The following ADARB2 variants were observed in gnomAD, a reference collection of about 807,000 sequenced individuals.
The protein encoded by ADARB2 is inactive double-stranded RNA-specific editase B2.
ADARB2 carries 25 observed loss-of-function variants against 62.2 expected under a neutral mutation model. That is an observed-to-expected ratio of 0.40 (90% CI 0.29 to 0.56). The LOEUF (loss-of-function observed/expected upper bound fraction) is 0.56. ADARB2 is among the 20% of genes least tolerant of loss of function. The probability of loss-of-function intolerance (pLI) is 0.43; values close to 1 mark genes in which losing one functional copy is unlikely to be tolerated. For missense variants in ADARB2, 1,071 were observed against 1,077.4 expected (o/e 0.99, Z 0.08); for synonymous variants, 572 against 500.8 (o/e 1.14, Z -1.90).
chr10:1,287,454 C>A (rs1831424462), intron 3 of ADARB2, among the ~76,000 whole-genome samples: 1 of 152,156 alleles, frequency 6.6e-6, no homozygotes, highest in African/African-American at 2.4e-5. Flanking sequence ...CTATGATCAC[C>A]ATGCTGTGTG....
chr10:1,416,536 G>A (rs1048950048), intron 1 of ADARB2, among the ~76,000 whole-genome samples: 6 of 152,234 alleles, frequency 3.9e-5, no homozygotes, highest in African/African-American at 1.4e-4. Flanking sequence ...CAGCCTCCCT[G>A]TGGATGGGCC....
At chr10:1,431,471 T>C (rs887054541) in intron 1 of ADARB2, among the ~76,000 whole-genome samples, 1 of 152,158 alleles carries the variant, frequency 6.6e-6, no homozygotes, top group Non-Finnish European at 1.5e-5. Context: ...TTAGCACTTA[T>C]ACATATTTAT....
intron 1 of ADARB2, among the ~76,000 whole-genome samples, chr10:1,485,570 C>CA (rs1361370536): frequency 6.6e-6 from 1 of 152,206 alleles, no homozygotes; most frequent in Non-Finnish European, 1.5e-5. Context: ...AAGAGTCCAC[C>CA]AAGCGTCCCA....
chr10:1,287,469 A>G (rs372322402), intron 3 of ADARB2, among the ~76,000 whole-genome samples: 2 of 152,144 alleles, frequency 1.3e-5, no homozygotes, highest in African/African-American at 4.8e-5. Context: ...TGTGTGACAG[A>G]TCCCCAGAAC....
chr10:1,188,315 C>T (rs1836791439), intron 8 of ADARB2: 1 of 152,256 alleles, frequency 6.6e-6, no homozygotes, highest in African/African-American at 2.4e-5. Context: ...CCAAGTCACA[C>T]AGATCAAAAA....
chr10:1,626,485 C>T (rs1833771080), intron 1 of ADARB2, among the ~76,000 whole-genome samples: 1 of 152,244 alleles, frequency 6.6e-6, no homozygotes, highest in African/African-American at 2.4e-5. Flanking sequence ...GGGGCTTCCT[C>T]TGCTCAGCAG....
rs529640541 is a variant in ADARB2 at position 1,329,749 on chromosome 10, C to T, written c.1077+33279G>A. ...AGGCACTGGTCCCTGATTCTGGAGCCGCGAACCACCTGGGGGCTTGGTTTG... is the reference window on the plus strand; with the variant it reads ...AGGCACTGGTCCCTGATTCTGGAGCTGCGAACCACCTGGGGGCTTGGTTTG... On this transcript the variant is annotated intron_variant, in intron 3 of 9. Coordinates refer to ENST00000381312, the MANE Select transcript of ADARB2 (RefSeq NM_018702.4). Among the ~76,000 whole-genome samples the T allele has an allele frequency of 2.3e-4, 35 of 152,018 alleles. 1 individual carries two copies. The highest frequency in any genetic ancestry group is 4.4e-5 in the Non-Finnish European group (3 of 68,012).
chr10:1,675,613 G>T (rs555982615), intron 1 of ADARB2, among the ~76,000 whole-genome samples: 13 of 147,232 alleles, frequency 8.8e-5, no homozygotes, highest in South Asian at 6.7e-4. Flanking sequence ...GGGTTGGGGG[G>T]TACATGGATG....
intron 1 of ADARB2, among the ~76,000 whole-genome samples, chr10:1,643,786 C>T (rs1173794082): frequency 6.6e-6 from 1 of 152,142 alleles, no homozygotes; most frequent in Admixed American, 6.5e-5. Flanking sequence ...GGCTAATTTG[C>T]TGTCTCTGCA....
chr10:1,310,671 G>A (rs1470388056), intron 3 of ADARB2, among the ~76,000 whole-genome samples: 4 of 152,184 alleles, frequency 2.6e-5, no homozygotes, highest in Non-Finnish European at 4.4e-5. Context: ...AGGTCCTCAC[G>A]GTACCTCTGG....
Position 1,498,285 on chromosome 10 carries a change from G to C in ADARB2, c.101-119125C>G, listed in dbSNP as rs146301101. On this transcript the variant is annotated intron_variant, in intron 1 of 9. Transcript: ENST00000381312. Reference sequence around the variant, plus strand: ...GCTACTTTGGGAGGCTGAGGCTGGAGAATCACTTGAACCCAGGAGGCAGAG... The same window carrying C: ...GCTACTTTGGGAGGCTGAGGCTGGACAATCACTTGAACCCAGGAGGCAGAG... Among the ~76,000 whole-genome samples the C allele has an allele frequency of 7.2e-3, 1,098 of 152,128 alleles. 16 individuals carry two copies. The highest frequency in any genetic ancestry group is 0.025 in the African/African-American group (1,051 of 41,494).
chr10:1,695,721 TG>T (rs1225271850), intron 1 of ADARB2, among the ~76,000 whole-genome samples: 1 of 152,120 alleles, frequency 6.6e-6, no homozygotes. Flanking sequence ...CATACATGTA[TG>T]TGAGACCATG....
Position 1,477,385 on chromosome 10 carries a change from T to G in ADARB2, c.101-98225A>C, listed in dbSNP as rs780079688. 5.5e-4 allele frequency among the ~76,000 whole-genome samples: 84 copies of G among 152,200 alleles called. No individual in the cohort carries two copies. Among genetic ancestry groups the G allele is most frequent in the Admixed American group, 9.2e-4 (14 of 15,278 alleles). ...AAGTAGCCCCAGCAGCATGACCTTA[T>G]CTGCCCATGGCCCCCTCCAGCATGA... On this transcript the variant is annotated intron_variant, in intron 1 of 9. Coordinates refer to ENST00000381312, the MANE Select transcript of ADARB2 (RefSeq NM_018702.4). This position sits in a 1 kb window ranked among gnomAD's most constrained non-coding sequence, Gnocchi z 4.5.
intron 7 of ADARB2, among the ~76,000 whole-genome samples, chr10:1,200,874 G>T (rs971030014): frequency 1.3e-5 from 2 of 152,046 alleles, no homozygotes; most frequent in East Asian, 3.8e-4. Context: ...CAAGCGTTAC[G>T]TAGCTAATTT....
In ADARB2 at chr10:1,545,069, A is replaced by T. The variant is rs77473342; in HGVS notation, c.101-165909T>A. On this transcript the variant is annotated intron_variant, in intron 1 of 9. Coordinates refer to ENST00000381312, the MANE Select transcript of ADARB2 (RefSeq NM_018702.4). ...TGACTTTTGCTGAGCACCCAGTAAC[A>T]GGAGTTGAAATACCAGCTCCATCTC... Among the ~76,000 whole-genome samples the T allele has an allele frequency of 6.4e-3, 969 of 152,124 alleles. 13 individuals carry two copies. The highest frequency in any genetic ancestry group is 0.022 in the African/African-American group (930 of 41,508).
intron 3 of ADARB2, among the ~76,000 whole-genome samples, chr10:1,301,531 A>G (rs10903420): frequency 0.47 from 70,674 of 151,902 alleles, 17,950 homozygotes; most frequent in East Asian, 0.8. Context: ...CTTAAACAGA[A>G]AACTTTCTTT....
intron 1 of ADARB2, among the ~76,000 whole-genome samples, chr10:1,668,743 T>C (rs1239487311): frequency 6.6e-6 from 1 of 152,176 alleles, no homozygotes; most frequent in Admixed American, 6.5e-5. Context: ...CAAGGAAAGA[T>C]TGATTTATGT....
rs180845871 is a variant in ADARB2 at position 1,348,764 on chromosome 10, C to T, written c.1077+14264G>A. ...CACCCTGAGACTGTGTGAGGATGGC[C>T]GGGCTGCTGCTGAGGCCAACGCTGG... is the stretch of plus-strand genomic sequence containing the variant. On this transcript the variant is annotated intron_variant, in intron 3 of 9. Coordinates refer to ENST00000381312, the MANE Select transcript of ADARB2 (RefSeq NM_018702.4). Among the ~76,000 whole-genome samples the T allele has an allele frequency of 1.8e-4, 28 of 152,322 alleles. No homozygotes were observed. In the East Asian group the frequency reaches 5.0e-3, roughly 27 times the overall value.
At chr10:1,722,857 C>G (rs998501833) in intron 1 of ADARB2, among the ~76,000 whole-genome samples, 4 of 152,174 alleles carry the variant, frequency 2.6e-5, no homozygotes, top group Non-Finnish European at 4.4e-5. Flanking sequence ...AAATCAAAAA[C>G]GTGTATTACT....
Sources: gnomAD v4.1 joint callset for allele counts (sites outside exome capture counted in the v4.1 genomes callset) on GRCh38, gnomAD v4.1.1 for gene constraint, Gnocchi (gnomAD v3.1) non-coding constraint, MANE v1.5 for transcripts, NCBI Gene and HGNC (gene_info 2026-07-23, HGNC 2026-07-21) for gene names.